The following RGL1 variants were observed in gnomAD, a reference collection of about 807,000 sequenced individuals.
RGL1 encodes the protein ral guanine nucleotide dissociation stimulator-like 1.
In RGL1, 24 loss-of-function variants were observed where a neutral mutation model predicts 95.2. That is an observed-to-expected ratio of 0.25 (90% CI 0.18 to 0.35). The LOEUF (loss-of-function observed/expected upper bound fraction) is 0.35. Ranked by LOEUF, RGL1 falls within the 10% of genes least tolerant of loss-of-function variation. The pLI is 1.00. For missense variants in RGL1, 715 were observed against 936.3 expected (o/e 0.76, Z 3.08); for synonymous variants, 329 against 344.9 (o/e 0.95, Z 0.51).
At chr1:183,840,843 G>T (rs1410966579) in intron 2 of RGL1, among the ~76,000 whole-genome samples, 1 of 152,140 alleles carries the variant, frequency 6.6e-6, no homozygotes, top group Non-Finnish European at 1.5e-5. Context: ...ATTGAACCCT[G>T]ATTGCACCAC....
chr1:183,793,998 C>T (rs576408128), intron 2 of RGL1, among the ~76,000 whole-genome samples: 33 of 151,710 alleles, frequency 2.2e-4, no homozygotes, highest in Non-Finnish European at 3.7e-4. Context: ...TCATAATAGC[C>T]ACGATATAGA....
rs1478264873 is a variant in RGL1 at position 183,927,384 on chromosome 1, T to C, written c.*1092T>C. ...TTGTGAAAGATTTCTGAACAGTGAT[T>C]GTCCCGTTAATAGCCCCTCAGAAGA... is the stretch of plus-strand genomic sequence containing the variant. On this transcript the variant is annotated 3_prime_UTR_variant, in exon 18 of 18. Transcript: ENST00000360851. 6.6e-6 allele frequency: 1 copy of C among 152,428 alleles called. No individual in the cohort carries two copies. The highest frequency in any genetic ancestry group is 1.5e-5 in the Non-Finnish European group (1 of 68,040). The allele number at this position is 152,428 out of a possible 1,614,324, so 9.4% of individuals were successfully genotyped here.
chr1:183,727,787 A>C (rs1251715712), intron 1 of RGL1, among the ~76,000 whole-genome samples: 1 of 152,214 alleles, frequency 6.6e-6, no homozygotes, highest in East Asian at 1.9e-4. Context: ...TTGCATTTCT[A>C]TATATTAGCA....
intron 1 of RGL1, among the ~76,000 whole-genome samples, chr1:183,719,831 T>A (rs548996884): frequency 1.1e-4 from 16 of 151,988 alleles, no homozygotes; most frequent in African/African-American, 3.1e-4. Flanking sequence ...GCTTGAACCC[T>A]GGAGGCAGAG....
chr1:183,737,293 T>G (rs1472908234), intron 1 of RGL1, among the ~76,000 whole-genome samples: 1 of 152,222 alleles, frequency 6.6e-6, no homozygotes, highest in Non-Finnish European at 1.5e-5. Context: ...CTCATTTACT[T>G]TTGGTGCATA....
intron 2 of RGL1, among the ~76,000 whole-genome samples, chr1:183,746,575 G>A (rs1657643466): frequency 6.7e-6 from 1 of 149,812 alleles, no homozygotes. Flanking sequence ...GTTATTTATA[G>A]TTTTTTGCCA....
At chr1:183,645,489 TA>T (rs1448110643) in intron 1 of RGL1, among the ~76,000 whole-genome samples, 2 of 152,382 alleles carry the variant, frequency 1.3e-5, no homozygotes, top group Admixed American at 1.3e-4. Context: ...AATTTACTTC[TA>T]TTTTCTTTAT....
intron 17 of RGL1, among the ~76,000 whole-genome samples, chr1:183,923,186 C>T (rs1026311680): frequency 6.6e-6 from 1 of 152,160 alleles, no homozygotes; most frequent in Non-Finnish European, 1.5e-5. Flanking sequence ...TTAAGTAGTC[C>T]TCTGCTCACC....
At chr1:183,641,567 T>C (rs1649928347) in intron 1 of RGL1, among the ~76,000 whole-genome samples, 1 of 152,176 alleles carries the variant, frequency 6.6e-6, no homozygotes, top group Non-Finnish European at 1.5e-5. Flanking sequence ...CCCCCCACCA[T>C]ACCTGGCCAT....
intron 1 of RGL1, among the ~76,000 whole-genome samples, chr1:183,726,752 C>T (rs1656335154): frequency 6.6e-6 from 1 of 152,070 alleles, no homozygotes; most frequent in Non-Finnish European, 1.5e-5. Context: ...ATCCCTTATC[C>T]AAAACGCTTG....
Position 183,834,871 on chromosome 1 carries a change from C to T in RGL1, c.139-12695C>T, listed in dbSNP as rs185267504. Among the ~76,000 whole-genome samples the T allele has an allele frequency of 5.9e-5, 9 of 151,798 alleles. No individual in the cohort carries two copies. The East Asian group carries it at 9.7e-4, about 16-fold the overall frequency. On this transcript the variant is annotated intron_variant, in intron 2 of 17. Transcript: ENST00000360851. ...TAATTTTCTAATTTTTTTTTACAAA[C>T]AGGGTCTCACTATATTGCCCAGGCT...
chr1:183,780,445 C>T (rs1198305263), intron 2 of RGL1, among the ~76,000 whole-genome samples: 2 of 152,162 alleles, frequency 1.3e-5, no homozygotes, highest in African/African-American at 4.8e-5. Flanking sequence ...AAGTTTGCTT[C>T]CCTGAAGAAG....
chr1:183,714,936 A>C (rs1007747144), intron 1 of RGL1, among the ~76,000 whole-genome samples: 2 of 152,112 alleles, frequency 1.3e-5, no homozygotes, highest in African/African-American at 2.4e-5. Flanking sequence ...GGGTGGAGTG[A>C]GGAAGCTTAG....
chr1:183,926,426 G>A lies in RGL1; in HGVS notation c.*134G>A. Reference sequence around the variant, plus strand: ...CAGATATTTATTGAGTTCCTGTGGTGTGCAAAGCATTATGATAGGCACCGT... The same window carrying A: ...CAGATATTTATTGAGTTCCTGTGGTATGCAAAGCATTATGATAGGCACCGT... On this transcript the variant is annotated 3_prime_UTR_variant, in exon 18 of 18. Coordinates refer to ENST00000360851, the MANE Select transcript of RGL1 (RefSeq NM_001297671.3). The A allele has an allele frequency of 3.0e-6, 2 of 673,002 alleles. No individual in the cohort carries two copies. The highest frequency in any genetic ancestry group is 4.8e-6 in the Non-Finnish European group (2 of 418,222). 41.7% of individuals were successfully genotyped at this position (673,002 alleles called of 1,614,324 possible).
chr1:183,763,639 C>G (rs574249474), intron 2 of RGL1, among the ~76,000 whole-genome samples: 1 of 152,302 alleles, frequency 6.6e-6, no homozygotes, highest in East Asian at 1.9e-4. Flanking sequence ...TCTCCAGAGA[C>G]AGACTGGCCA....
chr1:183,678,076 G>A (rs1652954085), intron 1 of RGL1, among the ~76,000 whole-genome samples: 1 of 152,134 alleles, frequency 6.6e-6, no homozygotes, highest in Non-Finnish European at 1.5e-5. Context: ...AAGCAGATGT[G>A]GATGAGGTGG....
At chr1:183,711,473 G>T (rs192331316) in intron 1 of RGL1, among the ~76,000 whole-genome samples, 1 of 152,156 alleles carries the variant, frequency 6.6e-6, no homozygotes, top group South Asian at 2.1e-4. Context: ...GTGTTGGGGG[G>T]TGAGGTGACA....
intron 1 of RGL1, among the ~76,000 whole-genome samples, chr1:183,725,302 A>G (rs1656250299): frequency 6.6e-6 from 1 of 152,098 alleles, no homozygotes; most frequent in Non-Finnish European, 1.5e-5. Flanking sequence ...ACTGCCCAAG[A>G]CTCAGTAATT....
intron 2 of RGL1, among the ~76,000 whole-genome samples, chr1:183,745,863 A>G (rs1232830909): frequency 6.6e-6 from 1 of 152,130 alleles, no homozygotes; most frequent in African/African-American, 2.4e-5. Flanking sequence ...ACTGATTTGG[A>G]GAGTATCAAC....
Sources: allele counts gnomAD v4.1 joint callset (sites outside exome capture counted in the v4.1 genomes callset), GRCh38; gene constraint gnomAD v4.1.1; transcripts MANE v1.5; gene names NCBI Gene and HGNC (gene_info 2026-07-23, HGNC 2026-07-21).